The following CCSER1 variants were observed in gnomAD, a reference collection of about 807,000 sequenced individuals.
CCSER1 encodes coiled-coil serine rich protein 1.
In CCSER1, 41 loss-of-function variants were observed where a neutral mutation model predicts 82.0. The observed-to-expected ratio is 0.50, with a 90% CI of 0.39 to 0.65. The LOEUF (loss-of-function observed/expected upper bound fraction) is 0.65, where lower values mean the gene tolerates loss of function less well. Ranked by LOEUF, CCSER1 falls within the 30% of genes least tolerant of loss-of-function variation. The pLI is 0.00. For missense variants in CCSER1, 1,119 were observed against 1,064.2 expected (o/e 1.05, Z -0.72); for synonymous variants, 414 against 383.9 (o/e 1.08, Z -0.92).
At position 90,981,352 on chromosome 4, in the gene CCSER1, C is replaced by T. The variant is rs118066139; in HGVS notation, c.2172+57905C>T. ...AACCCAAATAAAGACAGTTTATACA[C>T]GGATGAAAATTTATTGAAGTTGAAT... On this transcript the variant is annotated intron_variant, in intron 9 of 10. Transcript: ENST00000509176. Among the ~76,000 whole-genome samples the T allele has an allele frequency of 2.0e-4, 31 of 151,850 alleles. 1 individual carries two copies. The South Asian group carries it at 5.6e-3, about 27-fold the overall frequency.
intron 1 of CCSER1, among the ~76,000 whole-genome samples, chr4:90,229,121 G>T (rs893109696): frequency 1.3e-5 from 2 of 152,052 alleles, no homozygotes; most frequent in African/African-American, 4.8e-5. Flanking sequence ...TACAGAGAAC[G>T]CCACAAAGCT....
At chr4:91,125,291 C>T (rs1472754605) in intron 10 of CCSER1, among the ~76,000 whole-genome samples, 1 of 151,584 alleles carries the variant, frequency 6.6e-6, no homozygotes, top group Non-Finnish European at 1.5e-5. Flanking sequence ...GAGAAGCTCA[C>T]TTAACAGTAA....
intron 10 of CCSER1, among the ~76,000 whole-genome samples, chr4:91,543,431 G>T (rs1295749794): frequency 1.3e-5 from 2 of 152,128 alleles, no homozygotes; most frequent in Non-Finnish European, 2.9e-5. Flanking sequence ...TTTTTGCAGT[G>T]GCTGGTACCG....
chr4:91,475,447 A>C (rs1442690828), intron 10 of CCSER1, among the ~76,000 whole-genome samples: 6 of 151,836 alleles, frequency 4.0e-5, no homozygotes, highest in Non-Finnish European at 8.9e-5. Flanking sequence ...CCAATATCCC[A>C]AACTTGTTAT....
intron 7 of CCSER1, among the ~76,000 whole-genome samples, chr4:90,775,369 G>A (rs1752760325): frequency 6.6e-6 from 1 of 152,178 alleles, no homozygotes; most frequent in African/African-American, 2.4e-5. Context: ...TTCAGGTACA[G>A]ATAGTTTGGT....
intron 10 of CCSER1, among the ~76,000 whole-genome samples, chr4:91,581,540 T>C (rs933877379): frequency 1.3e-5 from 2 of 151,660 alleles, no homozygotes; most frequent in African/African-American, 2.4e-5. Context: ...TGGAGGCTGA[T>C]AGGCACCAAA....
intron 10 of CCSER1, among the ~76,000 whole-genome samples, chr4:91,452,374 G>A (rs1435668926): frequency 6.6e-6 from 1 of 151,964 alleles, no homozygotes; most frequent in Admixed American, 6.6e-5. Flanking sequence ...AGAGGCAATG[G>A]CAGGTAAGCA....
chr4:90,128,319 C>A (rs1407176190), intron 1 of CCSER1, among the ~76,000 whole-genome samples: 3 of 152,136 alleles, frequency 2.0e-5, no homozygotes, highest in African/African-American at 7.2e-5. Context: ...GAGCCAGGGG[C>A]TCCCGGAGGA....
chr4:91,558,757 C>T (rs993413549), intron 10 of CCSER1, among the ~76,000 whole-genome samples: 16 of 151,518 alleles, frequency 1.1e-4, no homozygotes, highest in African/African-American at 3.9e-4. Flanking sequence ...ACGAGAGTAG[C>T]AGGGAAAGAC....
intron 10 of CCSER1, among the ~76,000 whole-genome samples, chr4:91,227,830 C>T (rs182160862): frequency 4.6e-5 from 7 of 151,910 alleles, no homozygotes; most frequent in Admixed American, 4.6e-4. Context: ...GTGTTTGGTT[C>T]TTTAAGTTGA....
At chr4:91,367,155 A>C (rs1427576698) in intron 10 of CCSER1, among the ~76,000 whole-genome samples, 1 of 148,564 alleles carries the variant, frequency 6.7e-6, no homozygotes, top group Non-Finnish European at 1.5e-5. Flanking sequence ...AAAAAAGAGA[A>C]AAAAATGCAA....
At chr4:90,640,915 A>T (rs10020456) in intron 6 of CCSER1, among the ~76,000 whole-genome samples, 21,743 of 152,024 alleles carry the variant, frequency 0.14, 1,988 homozygotes, top group East Asian at 0.32. Context: ...AGTTCTTTAT[A>T]GCAGTATGAA....
At chr4:90,420,721 A>G (rs968249987) in intron 4 of CCSER1, among the ~76,000 whole-genome samples, 3 of 152,086 alleles carry the variant, frequency 2.0e-5, no homozygotes, top group African/African-American at 7.2e-5. Flanking sequence ...AATAACAACA[A>G]TTTTAATGAA....
intron 1 of CCSER1, among the ~76,000 whole-genome samples, chr4:90,170,390 A>G (rs1578306438): frequency 6.7e-6 from 1 of 148,546 alleles, no homozygotes; most frequent in African/African-American, 2.5e-5. Context: ...CACTTTACCT[A>G]CCTAACAGCT....
intron 6 of CCSER1, among the ~76,000 whole-genome samples, chr4:90,700,826 G>A (rs1737935078): frequency 6.6e-6 from 1 of 152,116 alleles, no homozygotes; most frequent in African/African-American, 2.4e-5. Context: ...CCCAATTTTT[G>A]ATGGGGTTGT....
rs185683257 is a variant in CCSER1, at chr4:91,146,196, T to C, written c.2217+60202T>C. Among the ~76,000 whole-genome samples, 323 of 152,320 alleles carry C rather than the reference T, an allele frequency of 2.1e-3. 4 individuals carry two copies. Among genetic ancestry groups the C allele is most frequent in the East Asian group, 3.9e-3 (20 of 5,180 alleles). On this transcript the variant is annotated intron_variant, in intron 10 of 10. Coordinates refer to ENST00000509176, the MANE Select transcript of CCSER1 (RefSeq NM_001145065.2). ...GTCTTTGAGTTCTTAAATTCTTTCCTCAGCTTGGTCTATTCTGTTGCTAAG... is the reference window on the plus strand; with the variant it reads ...GTCTTTGAGTTCTTAAATTCTTTCCCCAGCTTGGTCTATTCTGTTGCTAAG...
At chr4:90,157,924 T>C (rs1159594066) in intron 1 of CCSER1, among the ~76,000 whole-genome samples, 1 of 152,220 alleles carries the variant, frequency 6.6e-6, no homozygotes, top group South Asian at 2.1e-4. Context: ...TGAGGAACTA[T>C]GTTCCTTTGG....
chr4:91,307,089 A>C (rs1030061067), intron 10 of CCSER1, among the ~76,000 whole-genome samples: 15 of 152,088 alleles, frequency 9.9e-5, no homozygotes, highest in Admixed American at 8.5e-4. Context: ...GTATCACAAC[A>C]ATCTATGATT....
At chr4:90,934,358 T>C (rs181861360) in intron 9 of CCSER1, among the ~76,000 whole-genome samples, 10 of 152,264 alleles carry the variant, frequency 6.6e-5, no homozygotes, top group Middle Eastern at 3.4e-3. Context: ...AACATAACTA[T>C]GAAAATACAA....
Sources: allele counts gnomAD v4.1 joint callset (sites outside exome capture counted in the v4.1 genomes callset), GRCh38; gene constraint gnomAD v4.1.1; transcripts MANE v1.5; gene names NCBI Gene and HGNC (gene_info 2026-07-23, HGNC 2026-07-21).